The following KIAA1217 variants were observed in gnomAD, a reference collection of about 807,000 sequenced individuals.
KIAA1217 encodes sickle tail protein homolog.
A neutral mutation model predicts 163.9 loss-of-function variants in KIAA1217; 88 were observed. The observed-to-expected ratio is 0.54, with a 90% CI of 0.45 to 0.64. The LOEUF (loss-of-function observed/expected upper bound fraction) is 0.64, where lower values mean the gene tolerates loss of function less well. Ranked by LOEUF, KIAA1217 falls within the 30% of genes least tolerant of loss-of-function variation. The pLI is 0.00. For missense variants in KIAA1217, 2,372 were observed against 2,475.0 expected (o/e 0.96, Z 0.88); for synonymous variants, 903 against 923.1 (o/e 0.98, Z 0.39).
At chr10:24,273,380 T>A (rs577553051) in intron 2 of KIAA1217, among the ~76,000 whole-genome samples, 10 of 152,340 alleles carry the variant, frequency 6.6e-5, no homozygotes, top group African/African-American at 2.2e-4. Context: ...AATGATCTTC[T>A]TTGAAGTTAA....
chr10:23,740,196 G>A (rs1156830519), intron 1 of KIAA1217, among the ~76,000 whole-genome samples: 16 of 152,152 alleles, frequency 1.1e-4, no homozygotes, highest in Admixed American at 1.0e-3. Flanking sequence ...AACTCTAGAT[G>A]ACAGCAAAGG....
intron 2 of KIAA1217, among the ~76,000 whole-genome samples, chr10:24,364,180 T>C (rs912765536): frequency 6.6e-6 from 1 of 152,046 alleles, no homozygotes; most frequent in East Asian, 1.9e-4. Context: ...GGTTTTGCCA[T>C]GTTGGCCAGG....
intron 1 of KIAA1217, among the ~76,000 whole-genome samples, chr10:23,729,142 G>C (rs1007646904): frequency 6.6e-6 from 1 of 152,032 alleles, no homozygotes; most frequent in Non-Finnish European, 1.5e-5. Context: ...TTTCTTTTTA[G>C]TGGTGAATAA....
intron 2 of KIAA1217, among the ~76,000 whole-genome samples, chr10:24,186,405 CACTT>C (rs902686096): frequency 3.3e-5 from 5 of 152,172 alleles, no homozygotes; most frequent in African/African-American, 1.2e-4. Flanking sequence ...ACTTTTTTGT[CACTT>C]ACTATTTGAT....
intron 2 of KIAA1217, among the ~76,000 whole-genome samples, chr10:24,236,537 C>A (rs1353328689): frequency 6.6e-6 from 1 of 152,102 alleles, no homozygotes; most frequent in Non-Finnish European, 1.5e-5. Context: ...AGCCACTGCG[C>A]TAGGCTCATG....
At chr10:24,526,238 G>A (rs886648583) in intron 13 of KIAA1217, among the ~76,000 whole-genome samples, 49 of 152,088 alleles carry the variant, frequency 3.2e-4, no homozygotes, top group African/African-American at 8.2e-4. Flanking sequence ...CCACAGCCAC[G>A]GTCGCAGCCT....
Position 24,544,343 on chromosome 10 carries a change from C to T in KIAA1217, c.5073C>T (p.Thr1691=). The T allele has an allele frequency of 1.2e-6, 2 of 1,614,114 alleles. No individual in the cohort carries two copies. Residue 1691 remains threonine, a synonymous_variant, in exon 19 of 21, where the codon ACC becomes ACT. Transcript: ENST00000376454. ...TGAGTCCCAAAGCCCTAGTTGATACCTCATGTTCTTCCAACAGAGATTCTG... is the reference window on the plus strand; with the variant it reads ...TGAGTCCCAAAGCCCTAGTTGATACTTCATGTTCTTCCAACAGAGATTCTG... ...SEMSPKALVD[T]SCSSNRDSVA...
intron 2 of KIAA1217, among the ~76,000 whole-genome samples, chr10:24,054,343 T>A (rs997500513): frequency 6.6e-6 from 1 of 152,056 alleles, no homozygotes; most frequent in Non-Finnish European, 1.5e-5. Flanking sequence ...GAATCACCAG[T>A]ATATGAGTGC....
At chr10:24,094,557 AC>A (rs1427653436) in intron 2 of KIAA1217, among the ~76,000 whole-genome samples, 2 of 152,194 alleles carry the variant, frequency 1.3e-5, no homozygotes, top group Non-Finnish European at 2.9e-5. Context: ...ATTTTCGTGA[AC>A]CGCAAATGCT....
At chr10:23,759,731 G>C (rs776648798) in intron 1 of KIAA1217, among the ~76,000 whole-genome samples, 2 of 152,106 alleles carry the variant, frequency 1.3e-5, no homozygotes, top group African/African-American at 4.8e-5. Context: ...ACAGACTTTG[G>C]GCTGATTCAT....
intron 3 of KIAA1217, among the ~76,000 whole-genome samples, chr10:24,381,647 A>C (rs754460308): frequency 2.6e-5 from 4 of 152,232 alleles, no homozygotes; most frequent in Non-Finnish European, 5.9e-5. Context: ...ACTGTCTTTC[A>C]TGAAACCAGT....
intron 1 of KIAA1217, among the ~76,000 whole-genome samples, chr10:23,792,462 C>G (rs1338872540): frequency 1.3e-5 from 2 of 151,612 alleles, no homozygotes; most frequent in Non-Finnish European, 2.9e-5. Flanking sequence ...ATATTAACCT[C>G]TTTTTACTCT....
rs567572092 is a variant in KIAA1217, at chr10:23,835,116, T to A, written c.-321+139882T>A. Among the ~76,000 whole-genome samples, 14 of 151,974 alleles carry A rather than the reference T, an allele frequency of 9.2e-5. No homozygotes were observed. The South Asian group carries it at 2.9e-3, about 32-fold the overall frequency. On this transcript the variant is annotated intron_variant, in intron 1 of 18. Coordinates refer to the KIAA1217 transcript ENST00000376462. ...GTCATAAGAGAAGAAAATAAACAGT[T>A]CTGAGGGCCAGGTTCTGAGTTATGC...
At chr10:24,328,601 T>C (rs974636271) in intron 2 of KIAA1217, among the ~76,000 whole-genome samples, 1 of 152,186 alleles carries the variant, frequency 6.6e-6, no homozygotes, top group Non-Finnish European at 1.5e-5. Flanking sequence ...ATTTTTTATT[T>C]ACTAGGAATA....
At chr10:24,173,336 A>G (rs1284644591) in intron 2 of KIAA1217, among the ~76,000 whole-genome samples, 2 of 152,228 alleles carry the variant, frequency 1.3e-5, no homozygotes, top group Non-Finnish European at 2.9e-5. Context: ...GGTGAGTTGT[A>G]TAATTTTTCA....
intron 2 of KIAA1217, among the ~76,000 whole-genome samples, chr10:24,298,789 C>T (rs1398269495): frequency 6.6e-6 from 1 of 152,048 alleles, no homozygotes; most frequent in African/African-American, 2.4e-5. Flanking sequence ...CAGAGGAAGA[C>T]TCCATCTCAA....
intron 3 of KIAA1217, among the ~76,000 whole-genome samples, chr10:24,389,979 G>T (rs111363091): frequency 2.0e-5 from 3 of 152,198 alleles, no homozygotes; most frequent in Non-Finnish European, 2.9e-5. Context: ...AATCAAGGCA[G>T]CATGGCTTTG....
At chr10:24,490,341 T>G (rs2065954212) in intron 6 of KIAA1217, among the ~76,000 whole-genome samples, 1 of 152,230 alleles carries the variant, frequency 6.6e-6, no homozygotes, top group African/African-American at 2.4e-5. Flanking sequence ...ATGATGAGCA[T>G]GAAAAATTGC....
intron 2 of KIAA1217, among the ~76,000 whole-genome samples, chr10:24,096,203 C>T (rs1213841277): frequency 6.6e-6 from 1 of 152,190 alleles, no homozygotes; most frequent in Non-Finnish European, 1.5e-5. Context: ...TAAAGGTGAC[C>T]ATGGTTGTCT....
Sources: gnomAD v4.1 joint callset for allele counts (sites outside exome capture counted in the v4.1 genomes callset) on GRCh38, gnomAD v4.1.1 for gene constraint, MANE v1.5 for transcripts, NCBI Gene and HGNC (gene_info 2026-07-23, HGNC 2026-07-21) for gene names.